The following GRIP1 variants were observed in gnomAD, a reference collection of about 807,000 sequenced individuals.
The protein encoded by GRIP1 is glutamate receptor-interacting protein 1.
In GRIP1, 45 loss-of-function variants were observed where a neutral mutation model predicts 129.9. That is an observed-to-expected ratio of 0.35 (90% CI 0.27 to 0.44). The LOEUF (loss-of-function observed/expected upper bound fraction) is 0.44. GRIP1 is among the 20% of genes least tolerant of loss of function. The pLI, the probability that GRIP1 is intolerant of heterozygous loss-of-function variation, is 1.00. For synonymous variants in GRIP1, 530 were observed against 520.8 expected (o/e 1.02, Z -0.24); for missense variants, 1,196 against 1,396.8 (o/e 0.86, Z 2.29).
intron 1 of GRIP1, 124 bp downstream of exon 1, chr12:66,678,726 T>G: frequency 1.2e-6 from 1 of 854,776 alleles, no homozygotes; most frequent in Non-Finnish European, 2.0e-6. Context: ...CATATTTCAC[T>G]GAGTTCTTTG....
intron 1 of GRIP1, among the ~76,000 whole-genome samples, chr12:66,652,157 G>GT (rs1404402457): frequency 6.6e-6 from 1 of 152,138 alleles, no homozygotes; most frequent in East Asian, 1.9e-4. Context: ...AGTGAAATGG[G>GT]TTGGCTGTGT....
chr12:66,408,948 G>A (rs556329065), intron 15 of GRIP1, among the ~76,000 whole-genome samples: 2 of 152,258 alleles, frequency 1.3e-5, no homozygotes, highest in East Asian at 3.9e-4. Context: ...CTCTCCTTGA[G>A]GAAAGGATGG....
chr12:67,003,984 G>A (rs948258494), intron 1 of GRIP1, among the ~76,000 whole-genome samples: 1 of 152,086 alleles, frequency 6.6e-6, no homozygotes, highest in African/African-American at 2.4e-5. Context: ...TGGCATTCCT[G>A]GGCTTTTGGC....
At chr12:66,800,310 G>A (rs757881354) in intron 1 of GRIP1, among the ~76,000 whole-genome samples, 1 of 152,048 alleles carries the variant, frequency 6.6e-6, no homozygotes, top group Non-Finnish European at 1.5e-5. Context: ...GGAGAGTCAG[G>A]AAGACCAAGA....
intron 1 of GRIP1, among the ~76,000 whole-genome samples, chr12:67,030,180 C>A (rs985547974): frequency 2.0e-5 from 3 of 151,010 alleles, no homozygotes; most frequent in Admixed American, 2.0e-4. Context: ...CACTGCACTC[C>A]AGCCTGGGTA....
intron 1 of GRIP1, among the ~76,000 whole-genome samples, chr12:67,000,084 CTT>C (rs907825718): frequency 6.6e-6 from 1 of 152,184 alleles, no homozygotes; most frequent in Non-Finnish European, 1.5e-5. Context: ...AGGCATTACT[CTT>C]TTCACATGTT....
chr12:66,620,579 G>T (rs2065223917), intron 1 of GRIP1, among the ~76,000 whole-genome samples: 1 of 152,108 alleles, frequency 6.6e-6, no homozygotes, highest in African/African-American at 2.4e-5. Flanking sequence ...CTAAGAAGCT[G>T]GTGGGATTGA....
chr12:66,394,464 C>T, intron 16 of GRIP1, 112 bp from the exon 17 acceptor site: 1 of 887,072 alleles, frequency 1.1e-6, no homozygotes, highest in Non-Finnish European at 1.8e-6. Flanking sequence ...AGTATCATGT[C>T]ACAGAAAATA....
At chr12:66,717,882 C>A (rs1415987125) in intron 1 of GRIP1, among the ~76,000 whole-genome samples, 2 of 152,102 alleles carry the variant, frequency 1.3e-5, no homozygotes. Flanking sequence ...TCTTGGACTA[C>A]AAGATAACAA....
At chr12:66,916,482 T>C (rs1171069315) in intron 1 of GRIP1, among the ~76,000 whole-genome samples, 1 of 152,194 alleles carries the variant, frequency 6.6e-6, no homozygotes, top group African/African-American at 2.4e-5. Context: ...CACTTCGCCT[T>C]CCAGCAACCC....
intron 19 of GRIP1, among the ~76,000 whole-genome samples, chr12:66,382,122 T>TG (rs958455468): frequency 2.0e-5 from 3 of 152,078 alleles, no homozygotes; most frequent in African/African-American, 7.2e-5. Flanking sequence ...GCCAGCTACT[T>TG]GGGGGGCTGA....
At chr12:66,619,915 T>C (rs2065195797) in intron 1 of GRIP1, among the ~76,000 whole-genome samples, 1 of 152,186 alleles carries the variant, frequency 6.6e-6, no homozygotes, top group Non-Finnish European at 1.5e-5. Flanking sequence ...AATTGATCCT[T>C]TGGGGTTGAA....
At chr12:66,432,296 C>T (rs994981813) in intron 14 of GRIP1, among the ~76,000 whole-genome samples, 5 of 152,000 alleles carry the variant, frequency 3.3e-5, no homozygotes, top group African/African-American at 1.2e-4. Flanking sequence ...ATAATTAAAA[C>T]AATCCTATAT....
intron 16 of GRIP1, among the ~76,000 whole-genome samples, chr12:66,394,642 G>C (rs1170507977): frequency 6.6e-6 from 1 of 152,228 alleles, no homozygotes; most frequent in African/African-American, 2.4e-5. Context: ...CCATGTCTAG[G>C]ACAGTGCTTA....
intron 1 of GRIP1, among the ~76,000 whole-genome samples, chr12:66,951,199 A>G (rs921552389): frequency 6.6e-6 from 1 of 152,244 alleles, no homozygotes; most frequent in Non-Finnish European, 1.5e-5. Context: ...AGACTCAACT[A>G]TATTAATAGC....
chr12:66,734,980 T>A (rs1172421533), intron 1 of GRIP1, among the ~76,000 whole-genome samples: 1 of 152,132 alleles, frequency 6.6e-6, no homozygotes, highest in Non-Finnish European at 1.5e-5. Flanking sequence ...TGTGGACAGG[T>A]CTTTTGATAA....
At chr12:66,924,171 G>A (rs2041259042) in intron 1 of GRIP1, among the ~76,000 whole-genome samples, 1 of 152,184 alleles carries the variant, frequency 6.6e-6, no homozygotes, top group Non-Finnish European at 1.5e-5. Context: ...TTAACACAAT[G>A]CCTGGAACAC....
At chr12:66,679,790 C>A (rs1434498216), upstream of GRIP1, among the ~76,000 whole-genome samples, 3 of 152,174 alleles carry the variant, frequency 2.0e-5, no homozygotes, top group African/African-American at 7.2e-5. Flanking sequence ...CTTTATTATA[C>A]TATTTCCCAA....
intron 1 of GRIP1, among the ~76,000 whole-genome samples, chr12:67,064,077 T>C (rs534404501): frequency 6.6e-6 from 1 of 152,252 alleles, no homozygotes; most frequent in African/African-American, 2.4e-5. Flanking sequence ...TTCACTTAAA[T>C]GAGTTACTTA....
Sources: gnomAD v4.1 joint callset for allele counts (sites outside exome capture counted in the v4.1 genomes callset) on GRCh38, gnomAD v4.1.1 for gene constraint, MANE v1.5 for transcripts, NCBI Gene and HGNC (gene_info 2026-07-23, HGNC 2026-07-21) for gene names.